KLHL29: variants seen among roughly 807,000 people sequenced by gnomAD.
KLHL29 encodes the protein kelch like family member 29, also known as kelch-like protein 29.
In KLHL29, 21 loss-of-function variants were observed where a neutral mutation model predicts 80.4. That is an observed-to-expected ratio of 0.26 (90% CI 0.19 to 0.38). The LOEUF (loss-of-function observed/expected upper bound fraction) is 0.38, where lower values mean the gene tolerates loss of function less well. KLHL29 is among the 10% of genes least tolerant of loss of function. The pLI, the probability that KLHL29 is intolerant of heterozygous loss-of-function variation, is 1.00. For missense variants in KLHL29, 867 were observed against 1,223.9 expected (o/e 0.71, Z 4.35); for synonymous variants, 511 against 526.8 (o/e 0.97, Z 0.41).
intron 2 of KLHL29, among the ~76,000 whole-genome samples, chr2:23,493,577 C>A (rs926328454): frequency 6.6e-6 from 1 of 152,010 alleles, no homozygotes; most frequent in African/African-American, 2.4e-5. Flanking sequence ...TTTTTTAAAT[C>A]TTTGATTAAA....
chr2:23,482,589 A>G (rs1664826586), intron 2 of KLHL29, among the ~76,000 whole-genome samples: 1 of 152,198 alleles, frequency 6.6e-6, no homozygotes, highest in South Asian at 2.1e-4. Flanking sequence ...ACATTGAGTG[A>G]CCATGCTCTG....
chr2:23,557,083 C>T (rs1384749509), intron 2 of KLHL29, among the ~76,000 whole-genome samples: 1 of 152,184 alleles, frequency 6.6e-6, no homozygotes, highest in African/African-American at 2.4e-5. Flanking sequence ...AAAGGGGGCT[C>T]ACCTTGACAA....
chr2:23,479,942 G>A (rs1285208875), intron 2 of KLHL29, among the ~76,000 whole-genome samples: 1 of 152,224 alleles, frequency 6.6e-6, no homozygotes, highest in Admixed American at 6.5e-5. Context: ...ACCACCGACA[G>A]TGTGTCCTCA....
intron 1 of KLHL29, among the ~76,000 whole-genome samples, chr2:23,468,947 G>A (rs937735618): frequency 6.6e-6 from 1 of 152,254 alleles, no homozygotes; most frequent in African/African-American, 2.4e-5. Flanking sequence ...CTGAGGACTT[G>A]GGATGGGCCT....
At chr2:23,548,700 G>A (rs1402297583) in intron 2 of KLHL29, among the ~76,000 whole-genome samples, 5 of 152,254 alleles carry the variant, frequency 3.3e-5, no homozygotes, top group African/African-American at 9.6e-5. Context: ...CAGTGAGTGC[G>A]TGGCATGAGT....
chr2:23,636,669 G>A (rs1040910893), intron 3 of KLHL29, among the ~76,000 whole-genome samples: 4 of 152,292 alleles, frequency 2.6e-5, no homozygotes, highest in Non-Finnish European at 5.9e-5. Flanking sequence ...CTAGTGCCTC[G>A]AGCAGTGCCC....
intron 2 of KLHL29, among the ~76,000 whole-genome samples, chr2:23,504,597 C>G (rs1665547726): frequency 6.6e-6 from 1 of 152,196 alleles, no homozygotes; most frequent in Non-Finnish European, 1.5e-5. Flanking sequence ...GCCCAGCCTT[C>G]CCTGAAAGGG....
intron 5 of KLHL29, among the ~76,000 whole-genome samples, chr2:23,657,981 C>T (rs1409171345): frequency 1.3e-5 from 2 of 152,122 alleles, no homozygotes; most frequent in African/African-American, 2.4e-5. Flanking sequence ...CGGGGCAGTT[C>T]GTGGAGCCAG....
At chr2:23,676,665 G>C (rs1041709292) in intron 5 of KLHL29, among the ~76,000 whole-genome samples, 5 of 152,224 alleles carry the variant, frequency 3.3e-5, no homozygotes, top group African/African-American at 1.2e-4. Flanking sequence ...TTAAGGAATG[G>C]ATGGGACCCT....
rs1255108160 is a variant in KLHL29, at chr2:23,462,030, A to AGG, written c.-153-13527_-153-13526dup. Among the ~76,000 whole-genome samples, 13 of 149,982 alleles carry AGG rather than the reference A, an allele frequency of 8.7e-5. 1 individual carries two copies. In the East Asian group the frequency reaches 2.4e-3, roughly 27 times the overall value. On this transcript the variant is annotated intron_variant, in intron 1 of 13. Coordinates refer to ENST00000486442, the MANE Select transcript of KLHL29 (RefSeq NM_052920.2). The stretch of plus-strand genomic sequence containing the variant: ...ATTACTTTTCCACCAACCTAATAGA[A>AGG]GGGGCTGCACCTGTGTTCCTTCCAC...
chr2:23,678,493 G>A (rs1670983275), intron 5 of KLHL29, among the ~76,000 whole-genome samples: 1 of 152,230 alleles, frequency 6.6e-6, no homozygotes, highest in African/African-American at 2.4e-5. Flanking sequence ...ACGTGGAGCA[G>A]AAATGAGTTG....
intron 1 of KLHL29, among the ~76,000 whole-genome samples, chr2:23,451,522 G>C (rs1338184354): frequency 6.6e-6 from 1 of 152,296 alleles, no homozygotes; most frequent in East Asian, 1.9e-4. Flanking sequence ...CCCAAGTCTA[G>C]AGCCTCCTGC....
At chr2:23,583,346 T>A (rs549616748) in intron 3 of KLHL29, among the ~76,000 whole-genome samples, 62 of 152,336 alleles carry the variant, frequency 4.1e-4, no homozygotes, top group Admixed American at 3.4e-3. Flanking sequence ...CTTGATGCTG[T>A]GAGTTTAATC....
chr2:23,472,612 C>T (rs905826735), intron 1 of KLHL29, among the ~76,000 whole-genome samples: 1 of 152,118 alleles, frequency 6.6e-6, no homozygotes, highest in African/African-American at 2.4e-5. Flanking sequence ...CCAGCCTGGG[C>T]AACAGAGTGA....
intron 3 of KLHL29, among the ~76,000 whole-genome samples, chr2:23,593,360 G>A (rs1186611002): frequency 6.6e-6 from 1 of 152,204 alleles, no homozygotes; most frequent in Non-Finnish European, 1.5e-5. Flanking sequence ...TCTTTTCTGT[G>A]TGGAAGAGTG....
intron 5 of KLHL29, among the ~76,000 whole-genome samples, chr2:23,653,682 A>G (rs1249025833): frequency 6.6e-6 from 1 of 152,220 alleles, no homozygotes; most frequent in East Asian, 1.9e-4. Flanking sequence ...AAAGGTGACA[A>G]GGGCAAACTC....
At chr2:23,468,055 A>G (rs1272642467) in intron 1 of KLHL29, among the ~76,000 whole-genome samples, 2 of 152,044 alleles carry the variant, frequency 1.3e-5, no homozygotes, top group East Asian at 1.9e-4. Context: ...TGCCATGTGT[A>G]TGTGCCATAG....
chr2:23,471,506 G>A (rs1267135054), intron 1 of KLHL29, among the ~76,000 whole-genome samples: 1 of 152,098 alleles, frequency 6.6e-6, no homozygotes, highest in Non-Finnish European at 1.5e-5. Context: ...GCCCATTCAA[G>A]GGTCTTGCTT....
intron 1 of KLHL29, among the ~76,000 whole-genome samples, chr2:23,391,473 G>A (rs1185151000): frequency 1.3e-5 from 2 of 152,150 alleles, no homozygotes; most frequent in Non-Finnish European, 2.9e-5. Context: ...TGTTGCCCAG[G>A]CTGGAGTGCA....
Sources: gnomAD v4.1 joint callset for allele counts (sites outside exome capture counted in the v4.1 genomes callset) on GRCh38, gnomAD v4.1.1 for gene constraint, MANE v1.5 for transcripts, NCBI Gene and HGNC (gene_info 2026-07-23, HGNC 2026-07-21) for gene names.